The following LSM3 variants were observed in gnomAD, a reference collection of about 807,000 sequenced individuals.
LSM3 encodes U6 snRNA-associated Sm-like protein LSm3.
Under a neutral mutation model 15.4 loss-of-function variants are expected in LSM3, and 14 were observed. That is an observed-to-expected ratio of 0.91 (90% CI 0.60 to 1.42). The LOEUF (loss-of-function observed/expected upper bound fraction) is 1.42. LSM3 is among the 40% of genes most tolerant of loss of function. The pLI is 0.00. For missense variants in LSM3, 88 were observed against 127.9 expected (o/e 0.69, Z 1.50); for synonymous variants, 46 against 45.1 (o/e 1.02, Z -0.08).
chr3:14,195,404 C>T (rs750819204), intron 3 of LSM3, among the ~76,000 whole-genome samples: 10 of 152,052 alleles, frequency 6.6e-5, no homozygotes, highest in African/African-American at 1.9e-4. Flanking sequence ...TCTGCTCCCC[C>T]CCACCCACAC....
intron 3 of LSM3, among the ~76,000 whole-genome samples, chr3:14,194,243 ACTT>A (rs1371676333): frequency 1.1e-4 from 17 of 152,304 alleles, no homozygotes; most frequent in Non-Finnish European, 2.2e-4. Context: ...TCAGGGACCC[ACTT>A]GAGGAGGCAG....
intron 1 of LSM3, among the ~76,000 whole-genome samples, chr3:14,181,300 G>A (rs564873254): frequency 6.6e-6 from 1 of 152,184 alleles, no homozygotes; most frequent in Non-Finnish European, 1.5e-5. Context: ...TTATTTTGCT[G>A]TGTAACTTCT....
At position 14,184,043 on chromosome 3, in the gene LSM3, C is replaced by T. The variant is rs1395152820; in HGVS notation, c.228+11C>T. The T allele has an allele frequency of 6.3e-7, 1 of 1,597,014 alleles. No homozygotes were observed. Among genetic ancestry groups the T allele is most frequent in the Non-Finnish European group, 8.5e-7 (1 of 1,174,532 alleles). On this transcript the variant is annotated intron_variant, in intron 3 of 3. Coordinates refer to ENST00000306024, the MANE Select transcript of LSM3 (RefSeq NM_014463.3). ...GAAGAGATATATAAAGTAAGTCATGCAATTCTATTCATTGCTTTGCAAATA... is the reference window on the plus strand; with the variant it reads ...GAAGAGATATATAAAGTAAGTCATGTAATTCTATTCATTGCTTTGCAAATA...
In LSM3 at chr3:14,184,046, T is replaced by C. The variant is rs770117087; in HGVS notation, c.228+14T>C. 6 of 1,597,724 alleles carry C rather than the reference T, an allele frequency of 3.8e-6. No individual in the cohort carries two copies. Among genetic ancestry groups the C allele is most frequent in the Non-Finnish European group, 4.3e-6 (5 of 1,174,850 alleles). ...GAGATATATAAAGTAAGTCATGCAA[T>C]TCTATTCATTGCTTTGCAAATATCA... On this transcript the variant is annotated intron_variant, in intron 3 of 3. Coordinates refer to ENST00000306024, the MANE Select transcript of LSM3 (RefSeq NM_014463.3).
At chr3:14,193,532 TC>T (rs1373990086) in intron 3 of LSM3, among the ~76,000 whole-genome samples, 1 of 152,238 alleles carries the variant, frequency 6.6e-6, no homozygotes, top group Non-Finnish European at 1.5e-5. Context: ...AAGTTGATCT[TC>T]AATCACTGAT....
chr3:14,196,564 C>G lies in LSM3; in HGVS notation c.229-1472C>G, dbSNP rs561149397. ...GAAGGAAGGAATGAGAAACATAAGA[C>G]AGTTACTGGTCCCTAACAGTGGTGA... On this transcript the variant is annotated intron_variant, in intron 3 of 3. Transcript: ENST00000306024. Among the ~76,000 whole-genome samples, 6 of 152,334 alleles carry G rather than the reference C, an allele frequency of 3.9e-5. No homozygotes were observed. In the South Asian group the frequency reaches 6.2e-4, roughly 16 times the overall value.
chr3:14,187,822 AAAGCAGTCAGTCTT>A (rs1697103148), intron 3 of LSM3, among the ~76,000 whole-genome samples: 1 of 152,230 alleles, frequency 6.6e-6, no homozygotes, highest in Non-Finnish European at 1.5e-5. Context: ...GGGAAGGTGG[AAAGCAGTCAGTCTT>A]ACTCTTCTGA....
intron 3 of LSM3, among the ~76,000 whole-genome samples, chr3:14,190,660 A>ATC (rs1697130991): frequency 6.6e-6 from 1 of 152,206 alleles, no homozygotes; most frequent in Non-Finnish European, 1.5e-5. Flanking sequence ...GACTTCGCTG[A>ATC]AGTTGCCTAT....
At chr3:14,187,296 G>C (rs897721287) in intron 3 of LSM3, among the ~76,000 whole-genome samples, 42 of 152,178 alleles carry the variant, frequency 2.8e-4, no homozygotes, top group African/African-American at 1.0e-3. Flanking sequence ...AAGGCTACTG[G>C]GGCTGGTTAG....
chr3:14,187,787 T>A (rs1697102689), intron 3 of LSM3, among the ~76,000 whole-genome samples: 1 of 152,232 alleles, frequency 6.6e-6, no homozygotes, highest in Non-Finnish European at 1.5e-5. Context: ...TTCTAAATAA[T>A]TAATTTGGCT....
chr3:14,186,821 A>T (rs1344930590), intron 3 of LSM3, among the ~76,000 whole-genome samples: 1 of 152,174 alleles, frequency 6.6e-6, no homozygotes, highest in Non-Finnish European at 1.5e-5. Context: ...CTTACAGGTG[A>T]TGTGATAAAA....
At chr3:14,181,746 A>G (rs1697041142) in intron 2 of LSM3, 76 bp downstream of exon 2, 2 of 1,043,326 alleles carry the variant, frequency 1.9e-6, no homozygotes, top group Admixed American at 3.5e-5. Flanking sequence ...AAACCTGTCC[A>G]GAGTGAAAGG....
At chr3:14,179,577 C>A (rs910658115) in intron 1 of LSM3, among the ~76,000 whole-genome samples, 3 of 152,160 alleles carry the variant, frequency 2.0e-5, no homozygotes, top group Non-Finnish European at 2.9e-5. Context: ...GTTACCCTGC[C>A]TCATTTTTCT....
rs936090420 is a variant in LSM3 at position 14,198,151 on chromosome 3, C to G, written c.*35C>G. 13 of 1,487,306 alleles carry G rather than the reference C, an allele frequency of 8.7e-6. No homozygotes were observed. The highest frequency in any genetic ancestry group is 1.2e-5 in the Non-Finnish European group (13 of 1,066,156). The allele number at this position is 1,487,306 out of a possible 1,614,324, so 92.1% of individuals were successfully genotyped here. On this transcript the variant is annotated 3_prime_UTR_variant, in exon 4 of 4. Coordinates refer to ENST00000306024, the MANE Select transcript of LSM3 (RefSeq NM_014463.3). Reference sequence around the variant, plus strand: ...TTTGTCCTGTATGGAAAACGGGAGACTTTGTACAGTGGCCTCTCTAAAAGT... The same window carrying G: ...TTTGTCCTGTATGGAAAACGGGAGAGTTTGTACAGTGGCCTCTCTAAAAGT...
At position 14,178,873 on chromosome 3, in the gene LSM3, G is replaced by T; in HGVS notation, c.13G>T (p.Val5Leu). The T allele has an allele frequency of 6.2e-7, 1 of 1,614,228 alleles. No homozygotes were observed. The highest frequency in any genetic ancestry group is 8.5e-7 in the Non-Finnish European group (1 of 1,180,044). The stretch of plus-strand genomic sequence containing the variant: ...CAGGGTTTGAAACATGGCGGACGAC[G>T]TAGACCAGGTAAGTGTATTTTAAGG... Reference protein sequence around the residue: MADDVDQQQTTNTVE... With the variant: MADDLDQQQTTNTVE... The change falls in exon 1 of 4, where the codon GTA (valine) becomes TTA (leucine). Residue 5 changes from valine to leucine, a missense_variant. Physicochemically the swap from Val to Leu is conservative, Grantham distance 32 (BLOSUM62 1). Transcript: ENST00000306024.
rs1315506199 is a variant in LSM3 at position 14,200,949 on chromosome 3, TAAC to T, written c.*2836_*2838del. 1 of 152,170 alleles carries T rather than the reference TAAC, an allele frequency of 6.6e-6. No individual in the cohort carries two copies. Among genetic ancestry groups the T allele is most frequent in the Non-Finnish European group, 1.5e-5 (1 of 68,030 alleles). The allele number at this position is 152,170 out of a possible 1,614,324, so 9.4% of individuals were successfully genotyped here. On this transcript the variant is annotated 3_prime_UTR_variant, in exon 4 of 4. Coordinates refer to ENST00000306024, the MANE Select transcript of LSM3 (RefSeq NM_014463.3). Reference sequence around the variant, plus strand: ...GAGTTCGAGATCAGCCTGAGCAACATAACAAGACCCTGTCTCAAATAATACTTA... The same window carrying T: ...GAGTTCGAGATCAGCCTGAGCAACATAAGACCCTGTCTCAAATAATACTTA...
chr3:14,186,148 A>G (rs1697087594), intron 3 of LSM3, among the ~76,000 whole-genome samples: 1 of 152,196 alleles, frequency 6.6e-6, no homozygotes, highest in African/African-American at 2.4e-5. Context: ...TGGCCTCCCA[A>G]AGTGCTGGAA....
At chr3:14,195,352 G>A (rs1229298272) in intron 3 of LSM3, among the ~76,000 whole-genome samples, 2 of 152,092 alleles carry the variant, frequency 1.3e-5, no homozygotes, top group African/African-American at 4.8e-5. Flanking sequence ...GCCCAGGAAG[G>A]AAGAAGGAAT....
At chr3:14,183,657 T>G (rs1415244690) in intron 2 of LSM3, among the ~76,000 whole-genome samples, 1 of 152,186 alleles carries the variant, frequency 6.6e-6, no homozygotes, top group Non-Finnish European at 1.5e-5. Flanking sequence ...ACAAGTGGGG[T>G]GGAGACTTTA....
Sources: allele counts gnomAD v4.1 joint callset (sites outside exome capture counted in the v4.1 genomes callset), GRCh38; gene constraint gnomAD v4.1.1; transcripts MANE v1.5; gene names NCBI Gene and HGNC (gene_info 2026-07-23, HGNC 2026-07-21).